TMED10: variants seen among roughly 807,000 people sequenced by gnomAD.
TMED10 encodes transmembrane emp24 domain-containing protein 10.
Under a neutral mutation model 23.1 loss-of-function variants are expected in TMED10, and 7 were observed. The ratio of observed to expected loss-of-function variants is 0.30; its 90% CI spans 0.17 to 0.57. TMED10 has a LOEUF of 0.57. Ranked by LOEUF, TMED10 falls within the 20% of genes least tolerant of loss-of-function variation. The pLI is 0.91. For synonymous variants in TMED10, 113 were observed against 106.9 expected, an observed-to-expected ratio of 1.06 and a Z score of -0.35; for missense variants, 162 against 274.8, an observed-to-expected ratio of 0.59 and a Z score of 2.90.
chr14:75,146,953 G>A (rs1371323795), intron 3 of TMED10, among the ~76,000 whole-genome samples: 1 of 133,632 alleles, frequency 7.5e-6, no homozygotes. Context: ...ATATACAACT[G>A]TTGGTCTTGG....
At chr14:75,168,262 G>A (rs1247624149) in intron 1 of TMED10, among the ~76,000 whole-genome samples, 1 of 151,988 alleles carries the variant, frequency 6.6e-6, no homozygotes, top group Non-Finnish European at 1.5e-5. Context: ...ATTTTAACTT[G>A]TTTTTTGTCT....
intron 1 of TMED10, among the ~76,000 whole-genome samples, chr14:75,158,873 G>A (rs577068161): frequency 2.6e-5 from 4 of 152,146 alleles, no homozygotes; most frequent in South Asian, 4.1e-4. Flanking sequence ...GTGGTGAGTC[G>A]CGATCGCACC....
intron 1 of TMED10, among the ~76,000 whole-genome samples, chr14:75,163,084 A>T (rs530805776): frequency 3.2e-4 from 49 of 152,152 alleles, no homozygotes; most frequent in South Asian, 2.1e-3. Context: ...ATAATTAAAA[A>T]AAAAAAAATT....
intron 1 of TMED10, among the ~76,000 whole-genome samples, chr14:75,161,394 G>T (rs1457874635): frequency 6.6e-6 from 1 of 152,270 alleles, no homozygotes; most frequent in South Asian, 2.1e-4. Flanking sequence ...TTGAGCAAAT[G>T]ATATCTGTAA....
intron 3 of TMED10, chr14:75,139,099 T>C (rs1051110814): frequency 4.5e-6 from 2 of 447,408 alleles, no homozygotes; most frequent in Non-Finnish European, 8.9e-6. Context: ...ATTCCCACAT[T>C]GCTTTCCAGA....
chr14:75,144,873 G>C (rs1256102951), intron 3 of TMED10, among the ~76,000 whole-genome samples: 2 of 152,210 alleles, frequency 1.3e-5, no homozygotes, highest in Non-Finnish European at 2.9e-5. Context: ...TGGCCAGGCT[G>C]GTCTCCAACT....
At chr14:75,142,301 T>A (rs1269481355) in intron 3 of TMED10, among the ~76,000 whole-genome samples, 1 of 152,194 alleles carries the variant, frequency 6.6e-6, no homozygotes, top group African/African-American at 2.4e-5. Flanking sequence ...ATTTTTCAAA[T>A]GAGGAAACTA....
intron 1 of TMED10, among the ~76,000 whole-genome samples, chr14:75,163,675 G>A (rs61980828): frequency 0.54 from 82,044 of 151,756 alleles, 23,220 homozygotes; most frequent in African/African-American, 0.68. Flanking sequence ...TTTCTGGTCC[G>A]TGCTCAAATC....
chr14:75,154,401 C>CAAA lies in TMED10; in HGVS notation c.226-2261_226-2259dup, dbSNP rs1166201835. Reference sequence around the variant, plus strand: ...TGGGCAACACAGCGAGACTCTGTCTCAAAAAAAAAAAAAAAAAAAAAAAAA... The same window carrying CAAA: ...TGGGCAACACAGCGAGACTCTGTCTCAAAAAAAAAAAAAAAAAAAAAAAAAAAA... On this transcript the variant is annotated intron_variant, in intron 1 of 4. Transcript: ENST00000303575. 7.9e-3 allele frequency among the ~76,000 whole-genome samples: 120 copies of CAAA among 15,252 alleles called. 48 individuals are homozygous for CAAA. The highest frequency in any genetic ancestry group is 0.021 in the African/African-American group (88 of 4,196). 10.0% of individuals were successfully genotyped at this position (15,252 alleles called of 152,430 possible). A position where few individuals can be genotyped will look rare whatever the true frequency, so the allele number is the denominator to read the frequency against.
intron 1 of TMED10, among the ~76,000 whole-genome samples, chr14:75,169,420 T>C (rs557272427): frequency 1.1e-4 from 17 of 152,190 alleles, no homozygotes; most frequent in South Asian, 2.1e-4. Flanking sequence ...TCCCAGCACT[T>C]TGGGAGACGG....
chr14:75,159,735 C>A (rs905600508), intron 1 of TMED10, among the ~76,000 whole-genome samples: 2 of 152,162 alleles, frequency 1.3e-5, no homozygotes, highest in African/African-American at 4.8e-5. Flanking sequence ...TTCTGAAAGA[C>A]TTCAGGAAAA....
At chr14:75,146,369 C>A (rs1336264917) in intron 3 of TMED10, among the ~76,000 whole-genome samples, 1 of 152,224 alleles carries the variant, frequency 6.6e-6, no homozygotes, top group Non-Finnish European at 1.5e-5. Flanking sequence ...AAAGAGAGAG[C>A]AACTTCTGTT....
rs1895732925 is a variant in TMED10, at chr14:75,135,130, G to A, written c.539-124C>T. 2.5e-5 allele frequency: 31 copies of A among 1,263,786 alleles called. No homozygotes were observed. The South Asian group carries it at 4.1e-4, about 17-fold the overall frequency. 78.3% of individuals were successfully genotyped at this position (1,263,786 alleles called of 1,614,324 possible). ...ACTCTGTCCCTAGGTCTAACAGTAG[G>A]ATTTCAGATAATTTTTCTTTTTAAG... On this transcript the variant is annotated intron_variant, in intron 4 of 4. Coordinates refer to ENST00000303575, the MANE Select transcript of TMED10 (RefSeq NM_006827.6).
At chr14:75,135,286 A>C (rs1040388574) in intron 4 of TMED10, among the ~76,000 whole-genome samples, 1 of 152,028 alleles carries the variant, frequency 6.6e-6, no homozygotes, top group African/African-American at 2.4e-5. Context: ...TAAAAATACG[A>C]AAAATTAGCC....
chr14:75,131,676 C>T lies in TMED10; in HGVS notation c.*3209G>A, dbSNP rs1300178102. ...TATACAGACCATTTTGGATAATATG[C>T]TCAAAAATGGAGGAAAGCACATAAC... On this transcript the variant is annotated 3_prime_UTR_variant, in exon 5 of 5. Coordinates refer to ENST00000303575, the MANE Select transcript of TMED10 (RefSeq NM_006827.6). 6.6e-6 allele frequency: 1 copy of T among 152,424 alleles called. No homozygotes were observed. Among genetic ancestry groups the T allele is most frequent in the Non-Finnish European group, 1.5e-5 (1 of 68,032 alleles). 9.4% of individuals were successfully genotyped at this position (152,424 alleles called of 1,614,324 possible).
chr14:75,148,064 T>G (rs1895910424), intron 2 of TMED10, among the ~76,000 whole-genome samples: 1 of 151,934 alleles, frequency 6.6e-6, no homozygotes, highest in Admixed American at 6.6e-5. Context: ...GCTTATTGAA[T>G]TGGGAAATAA....
At chr14:75,156,277 A>G (rs1896018204) in intron 1 of TMED10, among the ~76,000 whole-genome samples, 1 of 152,086 alleles carries the variant, frequency 6.6e-6, no homozygotes, top group African/African-American at 2.4e-5. Context: ...TTTAATTAAA[A>G]TAATTTTAAA....
At chr14:75,174,785 G>A (rs1401153175) in intron 1 of TMED10, among the ~76,000 whole-genome samples, 1 of 152,104 alleles carries the variant, frequency 6.6e-6, no homozygotes, top group Admixed American at 6.6e-5. Flanking sequence ...GCTTACGGCT[G>A]TAATCCCAGC....
intron 1 of TMED10, among the ~76,000 whole-genome samples, chr14:75,156,136 C>T (rs1055415012): frequency 1.3e-5 from 2 of 152,012 alleles, no homozygotes; most frequent in African/African-American, 4.8e-5. Flanking sequence ...AAAGATGACG[C>T]TACCAGTACT....
Sources: gnomAD v4.1 joint callset for allele counts (sites outside exome capture counted in the v4.1 genomes callset) on GRCh38, gnomAD v4.1.1 for gene constraint, MANE v1.5 for transcripts, NCBI Gene and HGNC (gene_info 2026-07-23, HGNC 2026-07-21) for gene names.